Variants in PPP1R18 observed in about 807,000 individuals in gnomAD.
PPP1R18 encodes protein phosphatase 1 regulatory subunit 18.
Under a neutral mutation model 54.8 loss-of-function variants are expected in PPP1R18, and 31 were observed. The ratio of observed to expected loss-of-function variants is 0.57; its 90% confidence interval spans 0.43 to 0.76. PPP1R18 has a LOEUF of 0.76. Among genes scored for constraint, PPP1R18 ranks in the 30% least tolerant of loss-of-function variants. The pLI, the probability that PPP1R18 is intolerant of heterozygous loss-of-function variation, is 0.00. For missense variants in PPP1R18, 685 were observed against 776.1 expected (o/e 0.88, Z 1.39); for synonymous variants, 310 against 320.2 (o/e 0.97, Z 0.34).
chr6:30,677,038 C>T lies in PPP1R18; in HGVS notation c.*231G>A. ...GGACTTGGCGCTCACTCTTGGATGACCTAGGATGCACCAGCACGTTTAACC... is the reference window on the plus strand; with the variant it reads ...GGACTTGGCGCTCACTCTTGGATGATCTAGGATGCACCAGCACGTTTAACC... On this transcript the variant is annotated 3_prime_UTR_variant, in exon 3 of 3. Transcript: ENST00000274853. 1.5e-6 allele frequency: 1 copy of T among 688,978 alleles called. No individual in the cohort carries two copies. Among genetic ancestry groups the T allele is most frequent in the Non-Finnish European group, 2.6e-6 (1 of 378,810 alleles). 42.7% of individuals were successfully genotyped at this position (688,978 alleles called of 1,614,324 possible).
Position 30,685,501 on chromosome 6 carries a change from C to T in PPP1R18, c.518G>A (p.Arg173Lys). The change falls in exon 1 of 3, where the codon AGG becomes AAG. Residue 173 changes from arginine to lysine, a missense_variant. Arg to Lys is a conservative substitution (Grantham distance 26). Coordinates refer to ENST00000274853, the MANE Select transcript of PPP1R18 (RefSeq NM_133471.4). The surrounding 1 kb of genome is among the most constrained non-coding windows in gnomAD (Gnocchi z 5.0). ...GTCTCCCACCTCTCCTGGGCTTTGCCTCCAGTCCCGAGCCTCCAGAGGCCT... is the reference window on the plus strand; with the variant it reads ...GTCTCCCACCTCTCCTGGGCTTTGCTTCCAGTCCCGAGCCTCCAGAGGCCT... ...SLRPLEARDW[R>K]QSPGEVGDRS... 1 of 1,613,064 alleles carries T rather than the reference C, an allele frequency of 6.2e-7. No individual in the cohort carries two copies. The highest frequency in any genetic ancestry group is 2.2e-5 in the East Asian group (1 of 44,878).
chr6:30,685,620 G>T lies in PPP1R18; in HGVS notation c.399C>A (p.Ser133Arg). 6.2e-7 allele frequency: 1 copy of T among 1,613,002 alleles called. No homozygotes were observed. Among genetic ancestry groups the T allele is most frequent in the Non-Finnish European group, 8.5e-7 (1 of 1,179,992 alleles). The change falls in exon 1 of 3, where the codon AGC becomes AGA. Residue 133 changes from serine to arginine, a missense_variant. Transcript: ENST00000274853. This position sits in a 1 kb window ranked among gnomAD's most constrained non-coding sequence, Gnocchi z 5.0. ...CTTCTCTTGACTCTCTTCCCTTGGG[G>T]CTCTGATCCCGCATCTCCCCAGGGC... ...RPSPGEMRDQSPKGRESREER... is the reference protein window; with the variant it reads ...RPSPGEMRDQRPKGRESREER...
At chr6:30,677,432 TA>T in intron 2 of PPP1R18, 144 bp from the exon 3 acceptor site, 1 of 644,440 alleles carries the variant, frequency 1.6e-6, no homozygotes, top group South Asian at 2.1e-5. Context: ...TTACCACCAG[TA>T]ACCACATCCA....
upstream of PPP1R18, chr6:30,687,919 C>G (rs1771115087): frequency 6.6e-6 from 1 of 152,274 alleles, no homozygotes; most frequent in Non-Finnish European, 1.5e-5. The surrounding 1 kb of genome is among the most constrained non-coding windows in gnomAD (Gnocchi z 7.9). Context: ...CGGGGGTGGC[C>G]GAACCCCAGC....
In PPP1R18 at chr6:30,683,717, C is replaced by T. The variant is rs2127611959; in HGVS notation, c.1611+691G>A. ...AGCACTGTCTGAAGCAGTGGCCCAG[C>T]TGGGGGTGTGCAACCCCGAGGTCAC... On this transcript the variant is annotated intron_variant, in intron 1 of 2. Coordinates refer to ENST00000274853, the MANE Select transcript of PPP1R18 (RefSeq NM_133471.4). This position sits in a 1 kb window ranked among gnomAD's most constrained non-coding sequence, Gnocchi z 5.1. Among the ~76,000 whole-genome samples the T allele has an allele frequency of 6.6e-6, 1 of 152,180 alleles. No homozygotes were observed. Among genetic ancestry groups the T allele is most frequent in the South Asian group, 2.1e-4 (1 of 4,822 alleles).
At chr6:30,687,599 C>G (rs956660338), upstream of PPP1R18, 1 of 152,386 alleles carries the variant, frequency 6.6e-6, no homozygotes, top group Non-Finnish European at 1.5e-5. This position sits in a 1 kb window ranked among gnomAD's most constrained non-coding sequence, Gnocchi z 7.9. Flanking sequence ...GCCCGCCCTT[C>G]CCATCTCCTG....
Position 30,686,205 on chromosome 6 carries a change from C to T in PPP1R18, c.-187G>A, listed in dbSNP as rs1770923943. ...AGAGGGAAAGACGGAAGGCAGAGAA[C>T]TGGGGAAATGGAAAAAGTGAAGAGA... is the stretch of plus-strand genomic sequence containing the variant. On this transcript the variant is annotated 5_prime_UTR_variant, in exon 1 of 3. Transcript: ENST00000274853. The T allele has an allele frequency of 3.6e-6, 2 of 563,286 alleles. No individual in the cohort carries two copies. Among genetic ancestry groups the T allele is most frequent in the Non-Finnish European group, 3.0e-6 (1 of 330,442 alleles). The allele number at this position is 563,286 out of a possible 1,614,324, so 34.9% of individuals were successfully genotyped here.
In PPP1R18 at chr6:30,685,972, C is replaced by T. The variant is rs759036590; in HGVS notation, c.47G>A (p.Arg16Gln). 18 of 1,596,504 alleles carry T rather than the reference C, an allele frequency of 1.1e-5. No individual in the cohort carries two copies. Among genetic ancestry groups the T allele is most frequent in the South Asian group, 3.3e-5 (3 of 90,082 alleles). ...GCCTCGAACGGACGCCTCCTCCTGC[C>T]GGCGCCGGGCTAGCAGCTGTAGCTT... ...DWKLQLLARR[R>Q]QEEASVRGRE... Residue 16 changes from arginine (R) to glutamine (Q), a missense_variant, in exon 1 of 3, where the codon CGG becomes CAG. By Grantham distance (43) the Arg-to-Gln change is conservative. Transcript: ENST00000274853. The surrounding 1 kb of genome is among the most constrained non-coding windows in gnomAD (Gnocchi z 5.0).
chr6:30,682,390 T>A (rs1045490441), intron 1 of PPP1R18, among the ~76,000 whole-genome samples: 15 of 152,172 alleles, frequency 9.9e-5, no homozygotes, highest in Non-Finnish European at 2.1e-4. Context: ...TCTCTCCTGA[T>A]GGCAGGGATA....
upstream of PPP1R18, chr6:30,686,667 C>A (rs1770972177): frequency 6.5e-6 from 1 of 153,800 alleles, no homozygotes; most frequent in African/African-American, 2.4e-5. Flanking sequence ...GTCCCGGCTC[C>A]GCTTCCAGCA....
At position 30,686,216 on chromosome 6, in the gene PPP1R18, G is replaced by T; in HGVS notation, c.-198C>A. On this transcript the variant is annotated 5_prime_UTR_variant, in exon 1 of 3. Coordinates refer to ENST00000274853, the MANE Select transcript of PPP1R18 (RefSeq NM_133471.4). ...CGGAAGGCAGAGAACTGGGGAAATG[G>T]AAAAAGTGAAGAGAAGTTGTGAGCC... 1.8e-6 allele frequency: 1 copy of T among 544,928 alleles called. No homozygotes were observed. The highest frequency in any genetic ancestry group is 3.2e-6 in the Non-Finnish European group (1 of 316,138). The allele number at this position is 544,928 out of a possible 1,614,324, so 33.8% of individuals were successfully genotyped here. A position where few individuals can be genotyped will look rare whatever the true frequency, so the allele number is the denominator to read the frequency against.
chr6:30,684,046 C>T lies in PPP1R18; in HGVS notation c.1611+362G>A, dbSNP rs372919516. On this transcript the variant is annotated intron_variant, in intron 1 of 2. Transcript: ENST00000274853. This position sits in a 1 kb window ranked among gnomAD's most constrained non-coding sequence, Gnocchi z 6.0. Reference sequence around the variant, plus strand: ...GTGACCCTGCCCTCACTGATTCAAGCTCGTCACTTTAGGCTCTCCCACTGG... The same window carrying T: ...GTGACCCTGCCCTCACTGATTCAAGTTCGTCACTTTAGGCTCTCCCACTGG... Among the ~76,000 whole-genome samples, 29 of 152,064 alleles carry T rather than the reference C, an allele frequency of 1.9e-4. No homozygotes were observed. In the East Asian group the frequency reaches 5.6e-3, roughly 29 times the overall value.
chr6:30,679,115 C>T, intron 2 of PPP1R18, 64 bp downstream of exon 2: 1 of 1,443,570 alleles, frequency 6.9e-7, no homozygotes, highest in Non-Finnish European at 9.5e-7. Context: ...CCTCCTCTCT[C>T]CTGGACCACA....
chr6:30,679,188 G>A lies in PPP1R18; in HGVS notation c.1813C>T (p.Leu605=), dbSNP rs1431273497. The A allele has an allele frequency of 3.1e-6, 5 of 1,594,000 alleles. No individual in the cohort carries two copies. In the East Asian group the frequency reaches 1.1e-4, roughly 36 times the overall value. Residue 605 remains leucine, a synonymous_variant, in exon 2 of 3, where the codon CTG becomes TTG. Transcript: ENST00000274853. ...CGGAGCCTCCGCTTACCCACAATCA[G>A]GGCCTTGGTGCGCAGCCCGCCCTGG... is the stretch of plus-strand genomic sequence containing the variant. ...ELQGGLRTKA[L]IVDESCRR is the part of the protein sequence containing the mutation.
intron 2 of PPP1R18, 42 bp from the exon 3 acceptor site, chr6:30,677,330 C>T: frequency 6.5e-7 from 1 of 1,543,808 alleles, no homozygotes. Context: ...TGAGTGAGAG[C>T]CTCTGCCTTC....
chr6:30,679,428 G>C lies in PPP1R18; in HGVS notation c.1612-39C>G, dbSNP rs181411232. 447 of 1,322,682 alleles carry C rather than the reference G, an allele frequency of 3.4e-4. 10 individuals are homozygous for C. In the East Asian group the frequency reaches 0.015, roughly 45 times the overall value. 81.9% of individuals were successfully genotyped at this position (1,322,682 alleles called of 1,614,324 possible). ...AAAAAGGGGGCAGGAGGCAAGGTCA[G>C]CAGGGGAGAAGCCCGCGGGGGTTGA... On this transcript the variant is annotated intron_variant, in intron 1 of 2. Transcript: ENST00000274853.
intron 2 of PPP1R18, 42 bp from the exon 3 acceptor site, chr6:30,677,330 C>G (rs766810841): frequency 6.5e-7 from 1 of 1,543,808 alleles, no homozygotes. Flanking sequence ...TGAGTGAGAG[C>G]CTCTGCCTTC....
chr6:30,684,056 T>C lies in PPP1R18; in HGVS notation c.1611+352A>G, dbSNP rs975232439. 6.6e-6 allele frequency among the ~76,000 whole-genome samples: 1 copy of C among 152,068 alleles called. No individual in the cohort carries two copies. The highest frequency in any genetic ancestry group is 2.4e-5 in the African/African-American group (1 of 41,382). On this transcript the variant is annotated intron_variant, in intron 1 of 2. Coordinates refer to ENST00000274853, the MANE Select transcript of PPP1R18 (RefSeq NM_133471.4). This position sits in a 1 kb window ranked among gnomAD's most constrained non-coding sequence, Gnocchi z 6.0. ...CCTCACTGATTCAAGCTCGTCACTT[T>C]AGGCTCTCCCACTGGATGGGCTGGG...
Position 30,679,388 on chromosome 6 carries a change from A to G in PPP1R18, c.1613T>C (p.Leu538Pro). 1 of 1,574,036 alleles carries G rather than the reference A, an allele frequency of 6.4e-7. No individual in the cohort carries two copies. Among genetic ancestry groups the G allele is most frequent in the South Asian group, 1.1e-5 (1 of 89,062 alleles). ...KGSPERHHKQLKISFSETALE... is the reference protein window; with the variant it reads ...KGSPERHHKQPKISFSETALE... ...GGCTGTCTCGCTGAAGGAGATCTTA[A>G]GCTGAAGGAGGGAGAAAAAGGGGGC... Residue 538 changes from leucine (L) to proline (P), a missense_variant and splice_region_variant, in exon 2 of 3, where the codon CTT (leucine) becomes CCT (proline). By Grantham distance (98) the Leu-to-Pro change is moderately conservative. Transcript: ENST00000274853.
Sources: gnomAD v4.1 joint callset for allele counts (sites outside exome capture counted in the v4.1 genomes callset) on GRCh38, gnomAD v4.1.1 for gene constraint, Gnocchi (gnomAD v3.1) non-coding constraint, MANE v1.5 for transcripts, NCBI Gene and HGNC (gene_info 2026-07-23, HGNC 2026-07-21) for gene names.